Variants in KDM1A observed in about 807,000 individuals in gnomAD.
The protein encoded by KDM1A is lysine-specific histone demethylase 1A.
A neutral mutation model predicts 109.4 loss-of-function variants in KDM1A; 49 were observed. The ratio of observed to expected loss-of-function variants is 0.45; its 90% confidence interval spans 0.36 to 0.57. The LOEUF (loss-of-function observed/expected upper bound fraction) is 0.57. Ranked by LOEUF, KDM1A falls within the 20% of genes least tolerant of loss-of-function variation. The pLI, the probability that KDM1A is intolerant of heterozygous loss-of-function variation, is 0.00. For synonymous variants in KDM1A, 380 were observed against 415.4 expected (o/e 0.91, Z 1.04); for missense variants, 668 against 1,116.6 (o/e 0.60, Z 5.73).
rs1348227109 is a variant in KDM1A at position 23,079,232 on chromosome 1, C to T, written c.2055+55C>T. Reference sequence around the variant, plus strand: ...GATCTGATGTACAAATAGCAGTCTTCGTTGTTTACTTGGTGAGGAGGTGGC... The same window carrying T: ...GATCTGATGTACAAATAGCAGTCTTTGTTGTTTACTTGGTGAGGAGGTGGC... On this transcript the variant is annotated intron_variant, in intron 17 of 20. Coordinates refer to ENST00000400181, the MANE Select transcript of KDM1A (RefSeq NM_001009999.3). This position sits in a 1 kb window ranked among gnomAD's most constrained non-coding sequence, Gnocchi z 5.6. 9.0e-6 allele frequency: 14 copies of T among 1,551,518 alleles called. No individual in the cohort carries two copies. Among genetic ancestry groups the T allele is most frequent in the Middle Eastern group, 1.7e-4 (1 of 5,818 alleles).
At position 23,050,530 on chromosome 1, in the gene KDM1A, C is replaced by T; in HGVS notation, c.711+10C>T. ...CATTAGAAACCGCACAGTAAGTTTCCATTTCAGCTTTTTCACCTGGATTAT... is the reference window on the plus strand; with the variant it reads ...CATTAGAAACCGCACAGTAAGTTTCTATTTCAGCTTTTTCACCTGGATTAT... On this transcript the variant is annotated intron_variant, in intron 4 of 20. Coordinates refer to ENST00000400181, the MANE Select transcript of KDM1A (RefSeq NM_001009999.3). 6.3e-7 allele frequency: 1 copy of T among 1,589,378 alleles called. No homozygotes were observed. Among genetic ancestry groups the T allele is most frequent in the Non-Finnish European group, 8.6e-7 (1 of 1,169,522 alleles).
intron 1 of KDM1A, among the ~76,000 whole-genome samples, chr1:23,025,519 C>T (rs1017697354): frequency 6.6e-6 from 1 of 151,910 alleles, no homozygotes; most frequent in South Asian, 2.1e-4. Flanking sequence ...TCAGCAGAGA[C>T]GGGTTTCACC....
At chr1:23,069,817 C>T (rs1221263477) in intron 12 of KDM1A, among the ~76,000 whole-genome samples, 1 of 152,248 alleles carries the variant, frequency 6.6e-6, no homozygotes, top group East Asian at 1.9e-4. Context: ...CTTCCAGAGC[C>T]CCAGGCTCCA....
intron 3 of KDM1A, among the ~76,000 whole-genome samples, chr1:23,047,513 G>A (rs1271523295): frequency 6.6e-6 from 1 of 152,116 alleles, no homozygotes; most frequent in East Asian, 1.9e-4. Context: ...AAAATACTTT[G>A]AAACTGCTGG....
chr1:23,057,456 G>T (rs748520004), intron 7 of KDM1A, 28 bp from the exon 8 acceptor site: 4 of 1,584,660 alleles, frequency 2.5e-6, no homozygotes, highest in Non-Finnish European at 3.5e-6. Context: ...CAGAATTGAT[G>T]ATTTTGGCTA....
intron 12 of KDM1A, 40 bp downstream of exon 12, chr1:23,069,191 A>T: frequency 7.7e-7 from 1 of 1,291,826 alleles, no homozygotes; most frequent in Non-Finnish European, 1.1e-6. Context: ...AGAAGCTTTA[A>T]TAGGAGAAAA....
intron 1 of KDM1A, among the ~76,000 whole-genome samples, chr1:23,023,019 A>T (rs147812861): frequency 6.6e-6 from 1 of 152,174 alleles, no homozygotes; most frequent in Non-Finnish European, 1.5e-5. Flanking sequence ...TATTGGGGGT[A>T]AAGTGGTATC....
At chr1:23,068,469 CA>C (rs1289199786) in intron 10 of KDM1A, 69 bp from the exon 11 acceptor site, 1 of 1,268,530 alleles carries the variant, frequency 7.9e-7, no homozygotes, top group Non-Finnish European at 1.1e-6. Context: ...AACTATAGAG[CA>C]TTTGTGTTTT....
intron 13 of KDM1A, 66 bp downstream of exon 13, chr1:23,071,425 A>T (rs1420325559): frequency 6.8e-7 from 1 of 1,480,574 alleles, no homozygotes; most frequent in African/African-American, 1.4e-5. Flanking sequence ...AGATCTGGGG[A>T]ATTTTGGAAA....
intron 2 of KDM1A, among the ~76,000 whole-genome samples, chr1:23,037,732 A>AT (rs906730580): frequency 3.3e-4 from 50 of 152,288 alleles, no homozygotes; most frequent in African/African-American, 1.2e-3. Context: ...TAGATCCTTG[A>AT]TTTTTAACTA....
At chr1:23,031,579 T>C (rs1557507619) in intron 2 of KDM1A, among the ~76,000 whole-genome samples, 1 of 150,406 alleles carries the variant, frequency 6.6e-6, no homozygotes, top group Non-Finnish European at 1.5e-5. Flanking sequence ...GTTTTAGCCT[T>C]TTTTTTTTAA....
chr1:23,082,430 A>AT (rs376287633), intron 20 of KDM1A, 64 bp downstream of exon 20: 186,985 of 1,035,788 alleles, frequency 0.18, 14 homozygotes, highest in Non-Finnish European at 0.19. Context: ...GATGTCCCTG[A>AT]TTTTTTTTTT....
chr1:23,029,919 C>T (rs1569637721), intron 1 of KDM1A, among the ~76,000 whole-genome samples: 2 of 152,224 alleles, frequency 1.3e-5, no homozygotes, highest in African/African-American at 4.8e-5. Context: ...GGATTATAGG[C>T]GTGAGCCACT....
At position 23,079,306 on chromosome 1, in the gene KDM1A, T is replaced by C. The variant is rs1643553340; in HGVS notation, c.2055+129T>C. ...ATGCTCCCAATTGTGACATCAGGGC[T>C]GAGGCGTGTCAGTTGATTCTCTTCA... On this transcript the variant is annotated intron_variant, in intron 17 of 20. Transcript: ENST00000400181. The surrounding 1 kb of genome is among the most constrained non-coding windows in gnomAD (Gnocchi z 5.6). The C allele has an allele frequency of 1.1e-6, 1 of 869,718 alleles. No homozygotes were observed. Among genetic ancestry groups the C allele is most frequent in the African/African-American group, 1.7e-5 (1 of 59,466 alleles). The allele number at this position is 869,718 out of a possible 1,614,324, so 53.9% of individuals were successfully genotyped here. A position where few individuals can be genotyped will look rare whatever the true frequency, so the allele number is the denominator to read the frequency against.
chr1:23,019,623 C>CGCGGCGGCGGCGGCTGCA lies in KDM1A; in HGVS notation c.33_50dup (p.Ala13_Ala18dup), dbSNP rs1422927582. Reference sequence around the variant, plus strand: ...TGTTATCTGGGAAGAAGGCGGCAGCCGCGGCGGCGGCGGCTGCAGCGGCAG... The same window carrying CGCGGCGGCGGCGGCTGCA: ...TGTTATCTGGGAAGAAGGCGGCAGCCGCGGCGGCGGCGGCTGCAGCGGCGGCGGCGGCTGCAGCGGCAG... On this transcript the variant is annotated inframe_insertion, in exon 1 of 21. Transcript: ENST00000400181. The CGCGGCGGCGGCGGCTGCA allele has an allele frequency of 2.4e-5, 34 of 1,418,088 alleles. No individual in the cohort carries two copies. The highest frequency in any genetic ancestry group is 3.0e-5 in the Non-Finnish European group (33 of 1,095,170). 87.8% of individuals were successfully genotyped at this position (1,418,088 alleles called of 1,614,324 possible).
chr1:23,042,437 A>ATTTTTTTT (rs1316853352), intron 2 of KDM1A, among the ~76,000 whole-genome samples: 1 of 31,148 alleles, frequency 3.2e-5, no homozygotes, highest in Non-Finnish European at 7.1e-5. Context: ...TATGAAATAT[A>ATTTTTTTT]TTATTTTTTT....
rs1641554946 is a variant in KDM1A, at chr1:23,019,794, G to A, written c.198G>A (p.Pro66=). The A allele has an allele frequency of 9.4e-6, 13 of 1,383,880 alleles. No individual in the cohort carries two copies. The highest frequency in any genetic ancestry group is 1.2e-5 in the Non-Finnish European group (13 of 1,067,746). The allele number at this position is 1,383,880 out of a possible 1,614,324, so 85.7% of individuals were successfully genotyped here. A position where few individuals can be genotyped will look rare whatever the true frequency, so the allele number is the denominator to read the frequency against. Residue 66 remains proline (P), a synonymous_variant, in exon 1 of 21, where the codon CCG becomes CCA. Transcript: ENST00000400181. ...GCACACCCCGCAAGAAAGAGCCTCC[G>A]CGGGCCTCGCCCCCCGGGGGCCTGG... ...GERTPRKKEP[P]RASPPGGLAE...
At position 23,083,296 on chromosome 1, in the gene KDM1A, G is replaced by A. The variant is rs1054782634; in HGVS notation, c.2563G>A (p.Gly855Arg). The A allele has an allele frequency of 1.4e-5, 23 of 1,613,744 alleles. No individual in the cohort carries two copies. The highest frequency in any genetic ancestry group is 1.9e-5 in the Non-Finnish European group (23 of 1,179,970). ...EAGRIADQFL[G>R]AMYTLPRQAT... ...GGGAAGAATTGCAGACCAGTTTTTG[G>A]GGGCCATGTATACGCTGCCTCGCCA... The change falls in exon 21 of 21, where the codon GGG becomes AGG. Residue 855 changes from glycine (G) to arginine (R), a missense_variant. Transcript: ENST00000400181.
intron 9 of KDM1A, 22 bp downstream of exon 9, chr1:23,059,189 C>T: frequency 6.3e-7 from 1 of 1,580,616 alleles, no homozygotes; most frequent in Non-Finnish European, 8.7e-7. Flanking sequence ...ACAAACAGAA[C>T]TTTCAACATT....
Sources: gnomAD v4.1 joint callset for allele counts (sites outside exome capture counted in the v4.1 genomes callset) on GRCh38, gnomAD v4.1.1 for gene constraint, Gnocchi (gnomAD v3.1) non-coding constraint, MANE v1.5 for transcripts, NCBI Gene and HGNC (gene_info 2026-07-23, HGNC 2026-07-21) for gene names.